The following DAGLA variants were observed in gnomAD, a reference collection of about 807,000 sequenced individuals.
The protein encoded by DAGLA is diacylglycerol lipase-alpha.
Under a neutral mutation model 102.6 loss-of-function variants are expected in DAGLA, and 22 were observed. The observed-to-expected ratio is 0.21, with a 90% CI of 0.15 to 0.31. The LOEUF is 0.31. Ranked by LOEUF, DAGLA falls within the 10% of genes least tolerant of loss-of-function variation. The pLI is 1.00. For missense variants in DAGLA, 927 were observed against 1,446.6 expected, an observed-to-expected ratio of 0.64 and a Z score of 5.83; for synonymous variants, 578 against 628.9, an observed-to-expected ratio of 0.92 and a Z score of 1.21.
At chr11:61,737,464 G>A in intron 14 of DAGLA, 140 bp downstream of exon 14, 2 of 1,300,290 alleles carry the variant, frequency 1.5e-6, no homozygotes, top group East Asian at 4.6e-5. Flanking sequence ...GGTGGAGGGT[G>A]GGGGCTCTGA....
chr11:61,710,495 G>A (rs540796675), intron 1 of DAGLA, among the ~76,000 whole-genome samples: 2 of 152,270 alleles, frequency 1.3e-5, no homozygotes, highest in East Asian at 3.9e-4. Flanking sequence ...CTAGAGTCTT[G>A]TGGCCTTGGG....
At chr11:61,692,882 A>C (rs947092487) in intron 1 of DAGLA, among the ~76,000 whole-genome samples, 1 of 55,292 alleles carries the variant, frequency 1.8e-5, no homozygotes. Flanking sequence ...TTAGTTCAGT[A>C]AAAAAAAAAA....
At position 61,735,772 on chromosome 11, in the gene DAGLA, C is replaced by T. The variant is rs761394371; in HGVS notation, c.1246C>T (p.Arg416Cys). The T allele has an allele frequency of 6.8e-6, 11 of 1,613,288 alleles. No homozygotes were observed. Among genetic ancestry groups the T allele is most frequent in the South Asian group, 1.1e-5 (1 of 90,900 alleles). The stretch of plus-strand genomic sequence containing the variant: ...GACTGACCTGACGGGTGATGCTGAG[C>T]GCCTCCCCGTGGAGGGGCACCACGG... Reference protein sequence around the residue: ...ALTDLTGDAERLPVEGHHGTW... With the variant: ...ALTDLTGDAECLPVEGHHGTW... Residue 416 changes from arginine to cysteine, a missense_variant, in exon 12 of 20, where the codon CGC becomes TGC. Physicochemically the swap from Arg to Cys is radical, Grantham distance 180. Transcript: ENST00000257215.
At chr11:61,718,422 G>T (rs2065254580) in intron 1 of DAGLA, among the ~76,000 whole-genome samples, 1 of 152,114 alleles carries the variant, frequency 6.6e-6, no homozygotes, top group Non-Finnish European at 1.5e-5. Flanking sequence ...AGACAGGGAG[G>T]GGGCGGCAAT....
intron 5 of DAGLA, among the ~76,000 whole-genome samples, chr11:61,724,567 C>A (rs12285167): frequency 0.19 from 29,446 of 152,152 alleles, 3,141 homozygotes; most frequent in South Asian, 0.32. Context: ...CGCTGCCCGG[C>A]AGGAATTCTC....
At chr11:61,690,651 T>G (rs917729916) in intron 1 of DAGLA, among the ~76,000 whole-genome samples, 4 of 152,144 alleles carry the variant, frequency 2.6e-5, no homozygotes, top group Admixed American at 2.6e-4. Flanking sequence ...CCTTGGGGAA[T>G]TGAGGGAATC....
intron 1 of DAGLA, among the ~76,000 whole-genome samples, chr11:61,698,137 T>C (rs1039875931): frequency 3.9e-5 from 6 of 152,210 alleles, no homozygotes; most frequent in Non-Finnish European, 8.8e-5. Context: ...GAAAAGGCAG[T>C]GTGACTCTTG....
At chr11:61,730,288 A>G (rs2065362457) in intron 8 of DAGLA, among the ~76,000 whole-genome samples, 1 of 150,734 alleles carries the variant, frequency 6.6e-6, no homozygotes, top group Non-Finnish European at 1.5e-5. Flanking sequence ...GGCAGCTGTG[A>G]CTCCCATCAA....
intron 6 of DAGLA, among the ~76,000 whole-genome samples, chr11:61,726,994 C>T (rs1025469240): frequency 3.9e-5 from 6 of 152,342 alleles, no homozygotes; most frequent in African/African-American, 1.2e-4. Flanking sequence ...CGGCCCCTGG[C>T]GGATGGAGGC....
intron 1 of DAGLA, among the ~76,000 whole-genome samples, chr11:61,696,805 T>G (rs1182846672): frequency 6.6e-6 from 1 of 151,672 alleles, no homozygotes; most frequent in African/African-American, 2.4e-5. Flanking sequence ...GCAATTACCG[T>G]GTGTAGGGGG....
At chr11:61,718,418 G>A (rs2065254495) in intron 1 of DAGLA, among the ~76,000 whole-genome samples, 1 of 152,130 alleles carries the variant, frequency 6.6e-6, no homozygotes, top group African/African-American at 2.4e-5. Context: ...TTGGAGACAG[G>A]GAGGGGGCGG....
intron 1 of DAGLA, among the ~76,000 whole-genome samples, chr11:61,689,617 G>GGGCTCACTGCAAGCTCTACCT (rs1555038816): frequency 2.6e-5 from 4 of 151,708 alleles, no homozygotes; most frequent in South Asian, 2.1e-4. Flanking sequence ...CCATTCTCCT[G>GGGCTCACTGCAAGCTCTACCT]CCTCAGACTC....
rs2065406324 is a variant in DAGLA at position 61,734,485 on chromosome 11, A to G, written c.975-364A>G. 6.6e-6 allele frequency among the ~76,000 whole-genome samples: 1 copy of G among 152,066 alleles called. No homozygotes were observed. The highest frequency in any genetic ancestry group is 1.5e-5 in the Non-Finnish European group (1 of 67,998). ...CCTGAGCATGCAGATGGTGTCTAAA[A>G]CACAAGACTGCATGAGTGCATGGAG... On this transcript the variant is annotated intron_variant, in intron 9 of 19. Coordinates refer to ENST00000257215, the MANE Select transcript of DAGLA (RefSeq NM_006133.3). This position sits in a 1 kb window ranked among gnomAD's most constrained non-coding sequence, Gnocchi z 4.2.
intron 16 of DAGLA, among the ~76,000 whole-genome samples, chr11:61,738,810 C>A (rs1283036389): frequency 1.3e-5 from 2 of 152,126 alleles, no homozygotes; most frequent in African/African-American, 4.8e-5. Flanking sequence ...TCTGTGTGGT[C>A]ACCCCTCCTC....
Position 61,743,762 on chromosome 11 carries a change from G to A in DAGLA, c.2402G>A (p.Arg801His). The change falls in exon 20 of 20, where the codon CGC (arginine) becomes CAC (histidine). Residue 801 changes from arginine to histidine, a missense_variant. Around this residue, in one of 4 missense-constraint regions of DAGLA, gnomAD observed 434 missense variants for 503.3 expected, o/e 0.86. Transcript: ENST00000257215. ...SFDSRRSSGF[R>H]SIRGSPSLHA... ...GACTCGCGCCGCTCCTCAGGCTTCC[G>A]CAGCATCCGGGGCTCCCCCAGCCTC... is the stretch of plus-strand genomic sequence containing the variant. 2 of 1,612,424 alleles carry A rather than the reference G, an allele frequency of 1.2e-6. No homozygotes were observed. Among genetic ancestry groups the A allele is most frequent in the Non-Finnish European group, 1.7e-6 (2 of 1,179,900 alleles).
intron 1 of DAGLA, among the ~76,000 whole-genome samples, chr11:61,681,221 C>G (rs1007608917): frequency 2.6e-5 from 4 of 152,096 alleles, no homozygotes; most frequent in Admixed American, 1.3e-4. Flanking sequence ...GTTGGGTACA[C>G]TGGACTGAGG....
At position 61,722,856 on chromosome 11, in the gene DAGLA, C is replaced by A. The variant is rs1368028397; in HGVS notation, c.308-3C>A. On this transcript the variant is annotated splice_region_variant and splice_polypyrimidine_tract_variant and intron_variant, in intron 3 of 19. Coordinates refer to ENST00000257215, the MANE Select transcript of DAGLA (RefSeq NM_006133.3). ...CCTTCAGCCAGGCCTGCTCTCCTTG[C>A]AGCCATCCTGGTGATCGAGTTCATC... The A allele has an allele frequency of 6.2e-7, 1 of 1,613,620 alleles. No individual in the cohort carries two copies. Among genetic ancestry groups the A allele is most frequent in the East Asian group, 2.2e-5 (1 of 44,882 alleles).
In DAGLA at chr11:61,723,430, G is replaced by T. The variant is rs199919138; in HGVS notation, c.410-4G>T. ...TACCTAATGCCTCCCACTGCTGCCC[G>T]CAGGAATGGTTGTCTGCAACTGGGT... is the stretch of plus-strand genomic sequence containing the variant. On this transcript the variant is annotated splice_region_variant and splice_polypyrimidine_tract_variant and intron_variant, in intron 4 of 19. Transcript: ENST00000257215. 11 of 1,610,492 alleles carry T rather than the reference G, an allele frequency of 6.8e-6. No individual in the cohort carries two copies. The African/African-American group carries it at 1.1e-4, about 16-fold the overall frequency.
At position 61,737,671 on chromosome 11, in the gene DAGLA, T is replaced by G. The variant is rs755568455; in HGVS notation, c.1515-16T>G. The G allele has an allele frequency of 2.7e-5, 43 of 1,613,458 alleles. No individual in the cohort carries two copies. The highest frequency in any genetic ancestry group is 1.7e-5 in the Admixed American group (1 of 60,000). On this transcript the variant is annotated splice_polypyrimidine_tract_variant and intron_variant, in intron 14 of 19. Coordinates refer to ENST00000257215, the MANE Select transcript of DAGLA (RefSeq NM_006133.3). ...CGCCCCCTTGGCCTTAGCTTCTGCT[T>G]CGGCTTCCCTTGCAGTGAGGATGCG...
Sources: gnomAD v4.1 joint callset for allele counts (sites outside exome capture counted in the v4.1 genomes callset) on GRCh38, gnomAD v4.1.1 for gene constraint, gnomAD v4.1.1 regional missense constraint, Gnocchi (gnomAD v3.1) non-coding constraint, MANE v1.5 for transcripts, NCBI Gene and HGNC (gene_info 2026-07-23, HGNC 2026-07-21) for gene names.